The following DLC1 variants were observed in gnomAD, a reference collection of about 807,000 sequenced individuals.
DLC1 encodes the protein rho GTPase-activating protein 7.
Under a neutral mutation model 140.3 loss-of-function variants are expected in DLC1, and 54 were observed. The ratio of observed to expected loss-of-function variants is 0.38; its 90% CI spans 0.31 to 0.48. The LOEUF (loss-of-function observed/expected upper bound fraction) is 0.48, where lower values mean the gene tolerates loss of function less well. DLC1 is among the 20% of genes least tolerant of loss of function. The pLI, the probability that DLC1 is intolerant of heterozygous loss-of-function variation, is 0.96. For missense variants in DLC1, 2,536 were observed against 1,907.0 expected (o/e 1.33, Z -6.14); for synonymous variants, 986 against 728.1 (o/e 1.35, Z -5.70).
At chr8:13,286,962 A>C (rs1831555696) in intron 5 of DLC1, among the ~76,000 whole-genome samples, 2 of 152,090 alleles carry the variant, frequency 1.3e-5, no homozygotes. Flanking sequence ...AAGGTTGAGC[A>C]CTCTAGAGAC....
chr8:13,209,558 G>T, intron 5 of DLC1, among the ~76,000 whole-genome samples: 1 of 152,212 alleles, frequency 6.6e-6, no homozygotes, highest in East Asian at 1.9e-4. Context: ...GTCCCTGCCC[G>T]AATCTCATGT....
intron 1 of DLC1, among the ~76,000 whole-genome samples, chr8:13,573,779 A>C (rs1197501469): frequency 6.6e-6 from 1 of 152,194 alleles, no homozygotes; most frequent in African/African-American, 2.4e-5. Flanking sequence ...ATCTTTAAGC[A>C]CTTACTATTC....
chr8:13,523,406 A>G (rs531455253), intron 1 of DLC1, among the ~76,000 whole-genome samples: 2 of 152,338 alleles, frequency 1.3e-5, no homozygotes, highest in African/African-American at 4.8e-5. Context: ...AAGTCTTGTG[A>G]GACAGAGTTC....
At chr8:13,230,529 C>A (rs912155962) in intron 5 of DLC1, among the ~76,000 whole-genome samples, 1 of 151,940 alleles carries the variant, frequency 6.6e-6, no homozygotes, top group Non-Finnish European at 1.5e-5. Flanking sequence ...AGAGAGGCTG[C>A]CTAAATGGAG....
At chr8:13,473,349 T>G (rs1352568379) in intron 2 of DLC1, among the ~76,000 whole-genome samples, 1 of 152,164 alleles carries the variant, frequency 6.6e-6, no homozygotes, top group East Asian at 1.9e-4. Context: ...TGATAGTGAA[T>G]AAGTCTCACG....
At chr8:13,146,696 G>T (rs1823464356) in intron 5 of DLC1, among the ~76,000 whole-genome samples, 1 of 151,988 alleles carries the variant, frequency 6.6e-6, no homozygotes, top group African/African-American at 2.4e-5. Flanking sequence ...CATTACTATT[G>T]CTTGTGCTAT....
chr8:13,187,854 C>T (rs1826475671), intron 5 of DLC1, among the ~76,000 whole-genome samples: 2 of 152,162 alleles, frequency 1.3e-5, no homozygotes. Flanking sequence ...CTCGGCTCCC[C>T]AACCCTCTAG....
intron 5 of DLC1, among the ~76,000 whole-genome samples, chr8:13,144,751 C>G (rs533909874): frequency 2.2e-4 from 33 of 152,106 alleles, no homozygotes; most frequent in Non-Finnish European, 3.5e-4. Flanking sequence ...GGCAACAGAG[C>G]GATACTCTGC....
intron 1 of DLC1, among the ~76,000 whole-genome samples, chr8:13,546,257 T>A (rs1803644646): frequency 6.6e-6 from 1 of 152,160 alleles, no homozygotes; most frequent in African/African-American, 2.4e-5. Context: ...GGTCTGAAAT[T>A]ATTCTTCAAT....
intron 2 of DLC1, among the ~76,000 whole-genome samples, chr8:13,454,983 T>A (rs1332805379): frequency 6.6e-6 from 1 of 152,156 alleles, no homozygotes; most frequent in Non-Finnish European, 1.5e-5. Context: ...AGTTTTTTTT[T>A]GTTGTTCACT....
At chr8:13,116,501 G>GTAC (rs1168071408) in intron 5 of DLC1, among the ~76,000 whole-genome samples, 1 of 152,114 alleles carries the variant, frequency 6.6e-6, no homozygotes, top group African/African-American at 2.4e-5. Context: ...GGCCATGAGA[G>GTAC]TACTCAGTTA....
chr8:13,110,486 G>C (rs557435864), intron 7 of DLC1, among the ~76,000 whole-genome samples: 1 of 152,050 alleles, frequency 6.6e-6, no homozygotes. Flanking sequence ...GTTGTTACTT[G>C]TTACACCAAT....
At chr8:13,555,979 T>C (rs796766625) in intron 1 of DLC1, among the ~76,000 whole-genome samples, 10 of 152,184 alleles carry the variant, frequency 6.6e-5, no homozygotes, top group African/African-American at 2.4e-4. Context: ...GCATTTCAGG[T>C]AATTGGAGTT....
intron 5 of DLC1, among the ~76,000 whole-genome samples, chr8:13,125,531 G>C (rs1790843023): frequency 6.6e-6 from 1 of 152,144 alleles, no homozygotes; most frequent in African/African-American, 2.4e-5. Flanking sequence ...ACCTCTTGAA[G>C]CTTTTCATCT....
At chr8:13,350,561 C>G (rs1038750318) in intron 4 of DLC1, among the ~76,000 whole-genome samples, 1 of 151,932 alleles carries the variant, frequency 6.6e-6, no homozygotes, top group Non-Finnish European at 1.5e-5. Flanking sequence ...ACTAAAAATA[C>G]AAAAATTAGC....
intron 2 of DLC1, among the ~76,000 whole-genome samples, chr8:13,487,569 A>G (rs1468795743): frequency 6.6e-6 from 1 of 151,530 alleles, no homozygotes; most frequent in Admixed American, 6.6e-5. Flanking sequence ...GAGTTAGAAA[A>G]TGTTTTCCTT....
intron 4 of DLC1, among the ~76,000 whole-genome samples, chr8:13,362,563 T>G (rs1835280370): frequency 6.6e-6 from 1 of 152,076 alleles, no homozygotes; most frequent in South Asian, 2.1e-4. Flanking sequence ...ATCTGTTTCT[T>G]GCAATTCATA....
At chr8:13,427,208 T>C (rs1044668235) in intron 2 of DLC1, among the ~76,000 whole-genome samples, 6 of 152,158 alleles carry the variant, frequency 3.9e-5, no homozygotes, top group African/African-American at 1.4e-4. Flanking sequence ...TTTGCAGTTG[T>C]TTTCCCAAAC....
intron 5 of DLC1, among the ~76,000 whole-genome samples, chr8:13,144,694 G>C (rs1005201335): frequency 6.6e-6 from 1 of 152,204 alleles, no homozygotes; most frequent in Non-Finnish European, 1.5e-5. Flanking sequence ...GAACCAGAGA[G>C]GCAGAGCTTG....
Sources: gnomAD v4.1 joint callset for allele counts (sites outside exome capture counted in the v4.1 genomes callset) on GRCh38, gnomAD v4.1.1 for gene constraint, MANE v1.5 for transcripts, NCBI Gene and HGNC (gene_info 2026-07-23, HGNC 2026-07-21) for gene names.